The following LRP1B variants were observed in gnomAD, a reference collection of about 807,000 sequenced individuals.
LRP1B encodes low-density lipoprotein receptor-related protein 1B.
Under a neutral mutation model 556.6 loss-of-function variants are expected in LRP1B, and 217 were observed. The observed-to-expected ratio is 0.39, with a 90% CI of 0.35 to 0.44. The LOEUF (loss-of-function observed/expected upper bound fraction) is 0.44. LRP1B is among the 20% of genes least tolerant of loss of function. LRP1B has a pLI of 1.00. For missense variants in LRP1B, 5,053 were observed against 5,620.8 expected, an observed-to-expected ratio of 0.90 and a Z score of 3.23; for synonymous variants, 2,047 against 1,865.8, an observed-to-expected ratio of 1.10 and a Z score of -2.50.
intron 32 of LRP1B, among the ~76,000 whole-genome samples, chr2:140,805,649 A>C (rs1690688393): frequency 6.6e-6 from 1 of 152,180 alleles, no homozygotes; most frequent in African/African-American, 2.4e-5. Context: ...TAACCAATAT[A>C]ATCATTTATT....
At chr2:140,761,171 G>T (rs1418717381) in intron 35 of LRP1B, among the ~76,000 whole-genome samples, 1 of 152,150 alleles carries the variant, frequency 6.6e-6, no homozygotes, top group Non-Finnish European at 1.5e-5. Flanking sequence ...GCAAAATGAG[G>T]ATCAAGACAA....
intron 18 of LRP1B, among the ~76,000 whole-genome samples, chr2:140,966,550 A>G (rs1232016831): frequency 6.6e-6 from 1 of 152,000 alleles, no homozygotes; most frequent in East Asian, 1.9e-4. Context: ...CTCTTTAATT[A>G]GATCCCATTT....
At chr2:141,892,424 C>T (rs1699319202) in intron 1 of LRP1B, among the ~76,000 whole-genome samples, 1 of 151,936 alleles carries the variant, frequency 6.6e-6, no homozygotes, top group South Asian at 2.1e-4. Flanking sequence ...GGAACTCTAG[C>T]ATTAAGAAAT....
At position 141,308,265 on chromosome 2, in the gene LRP1B, AAAC is replaced by A. The variant is rs1455317586; in HGVS notation, c.344-53627_344-53625del. ...GAATAAAGCCAATATAGAAACAAATAAACAACAACAACAAAACCTCAGAGATAA... is the reference window on the plus strand; with the variant it reads ...GAATAAAGCCAATATAGAAACAAATAAACAACAACAAAACCTCAGAGATAA... On this transcript the variant is annotated intron_variant, in intron 3 of 90. Coordinates refer to ENST00000389484, the MANE Select transcript of LRP1B (RefSeq NM_018557.3). 2.0e-5 allele frequency among the ~76,000 whole-genome samples: 3 copies of A among 152,188 alleles called. 1 individual carries two copies. The highest frequency in any genetic ancestry group is 6.3e-3 in the Middle Eastern group (2 of 316).
intron 2 of LRP1B, among the ~76,000 whole-genome samples, chr2:141,743,501 CTTT>C (rs796287062): frequency 3.7e-3 from 445 of 118,830 alleles, no homozygotes; most frequent in South Asian, 9.1e-3. Flanking sequence ...TTTTTTTTTT[CTTT>C]TTTTTTTTTT....
At position 141,535,117 on chromosome 2, in the gene LRP1B, C is replaced by T. The variant is rs557037419; in HGVS notation, c.206-54584G>A. 2.6e-5 allele frequency among the ~76,000 whole-genome samples: 4 copies of T among 152,262 alleles called. No homozygotes were observed. In the East Asian group the frequency reaches 7.7e-4, roughly 29 times the overall value. On this transcript the variant is annotated intron_variant, in intron 2 of 90. Transcript: ENST00000389484. The stretch of plus-strand genomic sequence containing the variant: ...TGTGAGTCCATCTTCTAACAATTAT[C>T]TGACTGCTCTATTTTCTCATGCATC...
At chr2:141,829,089 G>A (rs1308881947) in intron 1 of LRP1B, among the ~76,000 whole-genome samples, 2 of 151,312 alleles carry the variant, frequency 1.3e-5, no homozygotes, top group South Asian at 2.1e-4. Flanking sequence ...GTAAGACATC[G>A]TTATATGTTA....
intron 1 of LRP1B, among the ~76,000 whole-genome samples, chr2:142,124,811 A>T (rs1301279896): frequency 6.6e-6 from 1 of 151,930 alleles, no homozygotes; most frequent in Admixed American, 6.6e-5. Context: ...ATGTTGCATA[A>T]TTCTTTCAGG....
intron 2 of LRP1B, among the ~76,000 whole-genome samples, chr2:141,771,277 T>A (rs1029144430): frequency 2.6e-5 from 4 of 152,108 alleles, no homozygotes; most frequent in African/African-American, 9.7e-5. Flanking sequence ...AAAAAACTAG[T>A]TGGATATGAA....
chr2:141,049,214 T>C lies in LRP1B; in HGVS notation c.1561A>G (p.Asn521Asp), dbSNP rs200559792. ...TTCCCATAAAAGAGGAACAACTCAT[T>C]CTTTGGTCCTGCAGAGGAAAGATTA... ...SDGRSCKRPK[N>D]ELFLFYGKGR... is the part of the protein sequence containing the mutation. The change falls in exon 11 of 91, where the codon AAT (asparagine) becomes GAT (aspartate). Residue 521 changes from asparagine to aspartate, a missense_variant. Asn to Asp is a conservative substitution (Grantham distance 23, BLOSUM62 1). This residue lies in a region of LRP1B where 3,619 missense variants were observed against 3,931.9 expected (regional missense o/e 0.92). Transcript: ENST00000389484. 66 of 1,605,082 alleles carry C rather than the reference T, an allele frequency of 4.1e-5. No individual in the cohort carries two copies. Among genetic ancestry groups the C allele is most frequent in the Middle Eastern group, 1.7e-4 (1 of 6,060 alleles).
rs867868641 is a variant in LRP1B, at chr2:141,771,443, T to G, written c.205+38836A>C. Among the ~76,000 whole-genome samples, 9 of 152,300 alleles carry G rather than the reference T, an allele frequency of 5.9e-5. No homozygotes were observed. In the Middle Eastern group the frequency reaches 0.01, roughly 173 times the overall value. ...TGTTAACAGTCTTTTCCAGTGGGGA[T>G]TTTAACCATGCATAAAACTCTTATT... On this transcript the variant is annotated intron_variant, in intron 2 of 90. Coordinates refer to ENST00000389484, the MANE Select transcript of LRP1B (RefSeq NM_018557.3).
At chr2:140,944,050 A>C (rs1005499192) in intron 20 of LRP1B, among the ~76,000 whole-genome samples, 60 of 152,104 alleles carry the variant, frequency 3.9e-4, no homozygotes, top group Admixed American at 1.8e-3. Context: ...AAAAGAGAGA[A>C]GATCCAAATA....
At chr2:140,284,382 T>C (rs1018182610) in intron 84 of LRP1B, among the ~76,000 whole-genome samples, 3 of 126,176 alleles carry the variant, frequency 2.4e-5, no homozygotes, top group Admixed American at 1.1e-4. Context: ...CATGGAGAAA[T>C]GCATGGTGGA....
intron 3 of LRP1B, among the ~76,000 whole-genome samples, chr2:141,421,482 T>A (rs1573926881): frequency 7.3e-6 from 1 of 137,562 alleles, no homozygotes; most frequent in East Asian, 2.1e-4. Flanking sequence ...TGAGCCGAGA[T>A]CCCGCCACTG....
At chr2:140,749,202 C>T (rs904821631) in intron 35 of LRP1B, among the ~76,000 whole-genome samples, 6 of 151,898 alleles carry the variant, frequency 4.0e-5, no homozygotes, top group African/African-American at 1.2e-4. Context: ...TGTGGGTGAG[C>T]CAGTGAATGA....
chr2:140,645,575 T>G (rs1008357475), intron 41 of LRP1B, among the ~76,000 whole-genome samples: 18 of 142,918 alleles, frequency 1.3e-4, no homozygotes, highest in African/African-American at 4.8e-4. Context: ...AGTCTTGCTC[T>G]GTCGCCCAGG....
At chr2:141,271,125 T>A (rs77918485) in intron 3 of LRP1B, among the ~76,000 whole-genome samples, 1 of 151,806 alleles carries the variant, frequency 6.6e-6, no homozygotes, top group Admixed American at 6.6e-5. Flanking sequence ...AAAATTTTAT[T>A]TGAGGGGTTT....
At chr2:140,372,181 A>G (rs1188694470) in intron 69 of LRP1B, among the ~76,000 whole-genome samples, 1 of 152,010 alleles carries the variant, frequency 6.6e-6, no homozygotes, top group Admixed American at 6.6e-5. Flanking sequence ...GGATACTAAA[A>G]AGCTTTTTCC....
chr2:141,490,852 C>T (rs1199289628), intron 2 of LRP1B, among the ~76,000 whole-genome samples: 3 of 151,704 alleles, frequency 2.0e-5, no homozygotes, highest in Non-Finnish European at 4.4e-5. Context: ...GGATTACCCT[C>T]ACACTCTCCT....
Sources: gnomAD v4.1 joint callset for allele counts (sites outside exome capture counted in the v4.1 genomes callset) on GRCh38, gnomAD v4.1.1 for gene constraint, gnomAD v4.1.1 regional missense constraint, MANE v1.5 for transcripts, NCBI Gene and HGNC (gene_info 2026-07-23, HGNC 2026-07-21) for gene names.